GRID2: variants seen among roughly 807,000 people sequenced by gnomAD.
GRID2 encodes the protein glutamate ionotropic receptor delta type subunit 2.
GRID2 carries 33 observed loss-of-function variants against 114.8 expected under a neutral mutation model. That is an observed-to-expected ratio of 0.29 (90% CI 0.22 to 0.38). GRID2 has a LOEUF of 0.38. GRID2 is among the 10% of genes least tolerant of loss of function. The pLI is 1.00. For missense variants in GRID2, 1,184 were observed against 1,257.7 expected (o/e 0.94, Z 0.89); for synonymous variants, 505 against 449.9 (o/e 1.12, Z -1.55).
At chr4:92,883,088 T>A (rs1164232191) in intron 2 of GRID2, among the ~76,000 whole-genome samples, 1 of 152,228 alleles carries the variant, frequency 6.6e-6, no homozygotes, top group Admixed American at 6.5e-5. Flanking sequence ...ACTTCCGTAA[T>A]TACAGTCAGT....
chr4:93,271,126 T>C (rs1265451896), intron 8 of GRID2, among the ~76,000 whole-genome samples: 1 of 152,186 alleles, frequency 6.6e-6, no homozygotes, highest in East Asian at 1.9e-4. Context: ...TATAAGCCAT[T>C]TAGAAGACAG....
chr4:92,397,820 C>T (rs1422749341), intron 1 of GRID2, among the ~76,000 whole-genome samples: 3 of 151,980 alleles, frequency 2.0e-5, no homozygotes, highest in African/African-American at 7.2e-5. Context: ...AATAATGAAC[C>T]ATATGGAAAC....
At chr4:92,432,050 C>A (rs1231433182) in intron 1 of GRID2, among the ~76,000 whole-genome samples, 1 of 152,152 alleles carries the variant, frequency 6.6e-6, no homozygotes, top group Admixed American at 6.5e-5. Flanking sequence ...CCTGGTTTAC[C>A]AGGCGGGGAA....
At chr4:92,436,357 G>A (rs1313086714) in intron 1 of GRID2, among the ~76,000 whole-genome samples, 2 of 152,026 alleles carry the variant, frequency 1.3e-5, no homozygotes, top group African/African-American at 4.8e-5. Flanking sequence ...TACTAAAGAT[G>A]TGGCAATAAA....
Position 93,578,943 on chromosome 4 carries a change from A to C in GRID2, c.2194-47326A>C, listed in dbSNP as rs181613971. On this transcript the variant is annotated intron_variant, in intron 13 of 15. Coordinates refer to ENST00000282020, the MANE Select transcript of GRID2 (RefSeq NM_001510.4). ...ATTCTTCCATAATAGTTTTTCCTATAATTTTATATCTGTATACTCATTGAT... is the reference window on the plus strand; with the variant it reads ...ATTCTTCCATAATAGTTTTTCCTATCATTTTATATCTGTATACTCATTGAT... Among the ~76,000 whole-genome samples the C allele has an allele frequency of 3.3e-3, 509 of 152,202 alleles. 1 individual carries two copies. Among genetic ancestry groups the C allele is most frequent in the African/African-American group, 8.8e-3 (365 of 41,540 alleles).
At chr4:93,470,912 T>C (rs1724743175) in intron 11 of GRID2, among the ~76,000 whole-genome samples, 1 of 89,410 alleles carries the variant, frequency 1.1e-5, no homozygotes, top group African/African-American at 2.9e-5. Context: ...TCTGTTATGA[T>C]ATTGTAAAAT....
intron 13 of GRID2, among the ~76,000 whole-genome samples, chr4:93,547,902 C>T (rs891382169): frequency 3.9e-5 from 6 of 152,128 alleles, no homozygotes; most frequent in South Asian, 2.1e-4. Context: ...GAGGGCCAGG[C>T]GCAGTGGCTC....
intron 1 of GRID2, among the ~76,000 whole-genome samples, chr4:92,507,271 T>C (rs1275842522): frequency 6.6e-6 from 1 of 151,928 alleles, no homozygotes; most frequent in Non-Finnish European, 1.5e-5. Flanking sequence ...TCTTTGAAAC[T>C]ACAGAGCATA....
intron 2 of GRID2, among the ~76,000 whole-genome samples, chr4:92,974,022 G>A (rs766374912): frequency 6.6e-6 from 1 of 152,092 alleles, no homozygotes; most frequent in Non-Finnish European, 1.5e-5. Flanking sequence ...CAAAAAATAG[G>A]CAAAGGCTAT....
intron 4 of GRID2, among the ~76,000 whole-genome samples, chr4:93,172,386 T>A (rs1387172359): frequency 1.3e-5 from 2 of 151,712 alleles, no homozygotes; most frequent in African/African-American, 4.8e-5. Context: ...AGGCCAGGAG[T>A]TCGGGACCAG....
intron 2 of GRID2, among the ~76,000 whole-genome samples, chr4:92,728,282 A>G (rs1736157582): frequency 6.6e-6 from 1 of 152,058 alleles, no homozygotes; most frequent in Non-Finnish European, 1.5e-5. Context: ...ACAGCTGAAA[A>G]CAACAAATAT....
Position 93,233,331 on chromosome 4 carries a change from TATTA to T in GRID2, c.1126-5039_1126-5036del, listed in dbSNP as rs776420109. On this transcript the variant is annotated intron_variant, in intron 7 of 15. Coordinates refer to ENST00000282020, the MANE Select transcript of GRID2 (RefSeq NM_001510.4). ...ACTGAAGGATTATTATTATTATTAT[TATTA>T]TTTTTTTTTTTATTTTTTATTTTTT... 4.1e-4 allele frequency among the ~76,000 whole-genome samples: 44 copies of T among 107,592 alleles called. No homozygotes were observed. In the Middle Eastern group the frequency reaches 0.022, roughly 53 times the overall value. The allele number at this position is 107,592 out of a possible 152,430, so 70.6% of individuals were successfully genotyped here. A position where few individuals can be genotyped will look rare whatever the true frequency, so the allele number is the denominator to read the frequency against.
chr4:93,231,991 G>A (rs1489268905), intron 7 of GRID2, among the ~76,000 whole-genome samples: 1 of 152,124 alleles, frequency 6.6e-6, no homozygotes, highest in Non-Finnish European at 1.5e-5. Flanking sequence ...ATAAAGCTAT[G>A]GAAGGAGGAT....
intron 1 of GRID2, among the ~76,000 whole-genome samples, chr4:92,559,887 A>G (rs1300799428): frequency 6.6e-6 from 1 of 152,196 alleles, no homozygotes; most frequent in African/African-American, 2.4e-5. Flanking sequence ...GTCATTGCCT[A>G]ATAATTAATT....
rs543007196 is a variant in GRID2 at position 92,953,550 on chromosome 4, C to T, written c.245-131445C>T. Among the ~76,000 whole-genome samples the T allele has an allele frequency of 9.9e-5, 15 of 152,140 alleles. No individual in the cohort carries two copies. The East Asian group carries it at 2.9e-3, about 30-fold the overall frequency. ...TATTATATTTTCTCTTTGTTCATGA[C>T]GGGCATAGTCAAGTGATGATTAGTT... On this transcript the variant is annotated intron_variant, in intron 2 of 15. Transcript: ENST00000282020.
At chr4:93,124,651 T>C (rs1455701947) in intron 4 of GRID2, among the ~76,000 whole-genome samples, 1 of 152,122 alleles carries the variant, frequency 6.6e-6, no homozygotes, top group African/African-American at 2.4e-5. Context: ...AATATTTTAG[T>C]TTTGTAGAGA....
chr4:93,789,673 C>G (rs148135233), intron 1 of GRID2, among the ~76,000 whole-genome samples: 129 of 152,290 alleles, frequency 8.5e-4, no homozygotes, highest in African/African-American at 3.0e-3. Flanking sequence ...TGGGACATAT[C>G]AAACATTTTT....
intron 8 of GRID2, among the ~76,000 whole-genome samples, chr4:93,287,533 C>T (rs561613531): frequency 9.9e-5 from 15 of 152,144 alleles, no homozygotes; most frequent in East Asian, 1.9e-4. Context: ...ACTATGTCTT[C>T]GGAGAATTTT....
rs1726801375 is a variant in GRID2, at chr4:92,555,376, A to G, written c.89-34755A>G. Among the ~76,000 whole-genome samples, 3 of 152,184 alleles carry G rather than the reference A, an allele frequency of 2.0e-5. 1 individual carries two copies. Among genetic ancestry groups the G allele is most frequent in the Admixed American group, 2.0e-4 (3 of 15,268 alleles). On this transcript the variant is annotated intron_variant, in intron 1 of 15. Coordinates refer to ENST00000282020, the MANE Select transcript of GRID2 (RefSeq NM_001510.4). ...GATGAAAGAAGTAATTTAAGAGTCAAAGCTACAGATATTTCAAGTAATATG... is the reference window on the plus strand; with the variant it reads ...GATGAAAGAAGTAATTTAAGAGTCAGAGCTACAGATATTTCAAGTAATATG...
Sources: allele counts gnomAD v4.1 joint callset (sites outside exome capture counted in the v4.1 genomes callset), GRCh38; gene constraint gnomAD v4.1.1; transcripts MANE v1.5; gene names NCBI Gene and HGNC (gene_info 2026-07-23, HGNC 2026-07-21).